SHISA6: variants seen among roughly 807,000 people sequenced by gnomAD.
SHISA6 encodes the protein shisa family member 6, also known as protein shisa-6.
In SHISA6, 22 loss-of-function variants were observed where a neutral mutation model predicts 47.9. The observed-to-expected ratio is 0.46, with a 90% CI of 0.33 to 0.66. SHISA6 has a LOEUF of 0.66. Among genes scored for constraint, SHISA6 ranks in the 30% least tolerant of loss-of-function variants. The pLI is 0.02. For missense variants in SHISA6, 680 were observed against 764.6 expected (o/e 0.89, Z 1.30); for synonymous variants, 388 against 337.8 (o/e 1.15, Z -1.63).
chr17:11,523,372 A>G (rs1392096859), intron 3 of SHISA6, among the ~76,000 whole-genome samples: 3 of 152,232 alleles, frequency 2.0e-5, no homozygotes, highest in Non-Finnish European at 4.4e-5. Flanking sequence ...AAAACACCAA[A>G]AAGTGTAGCT....
intron 3 of SHISA6, among the ~76,000 whole-genome samples, chr17:11,437,594 CA>C (rs1167778491): frequency 6.6e-6 from 1 of 152,126 alleles, no homozygotes; most frequent in Non-Finnish European, 1.5e-5. Context: ...AGGGATGGAA[CA>C]GTAAGTAGGG....
At chr17:11,329,007 G>A (rs988633939) in intron 2 of SHISA6, among the ~76,000 whole-genome samples, 1 of 152,196 alleles carries the variant, frequency 6.6e-6, no homozygotes, top group African/African-American at 2.4e-5. Context: ...TCAAAACAAT[G>A]CTTTAATAAA....
intron 3 of SHISA6, among the ~76,000 whole-genome samples, chr17:11,438,779 T>C (rs997635362): frequency 2.6e-5 from 4 of 152,158 alleles, no homozygotes; most frequent in African/African-American, 9.7e-5. Context: ...TTAAAGACAT[T>C]GTTAATTAAT....
Position 11,241,344 on chromosome 17 carries a change from G to T in SHISA6, c.-79G>T. ...TCAGCGCCTCCAGCCCGGCCCGCGC[G>T]GCGGGTCCTCCGAGCCCGGCCCGCC... On this transcript the variant is annotated 5_prime_UTR_variant, in exon 1 of 6. Coordinates refer to ENST00000441885, the MANE Select transcript of SHISA6 (RefSeq NM_207386.4). This position sits in a 1 kb window ranked among gnomAD's most constrained non-coding sequence, Gnocchi z 5.5. 1.1e-6 allele frequency: 1 copy of T among 904,406 alleles called. No homozygotes were observed. Among genetic ancestry groups the T allele is most frequent in the Non-Finnish European group, 1.3e-6 (1 of 754,334 alleles). 56.0% of individuals were successfully genotyped at this position (904,406 alleles called of 1,614,324 possible).
At chr17:11,258,050 A>G (rs1402274420) in intron 1 of SHISA6, among the ~76,000 whole-genome samples, 1 of 152,240 alleles carries the variant, frequency 6.6e-6, no homozygotes, top group Admixed American at 6.5e-5. Flanking sequence ...ATGCTTTTAG[A>G]AAGTTCTTCA....
intron 3 of SHISA6, among the ~76,000 whole-genome samples, chr17:11,422,399 A>G (rs933694938): frequency 4.6e-5 from 7 of 152,206 alleles, no homozygotes; most frequent in African/African-American, 2.4e-5. Context: ...AGCCAGTGGA[A>G]TACCAGGAAG....
intron 3 of SHISA6, among the ~76,000 whole-genome samples, chr17:11,388,368 G>A (rs1913261163): frequency 6.6e-6 from 1 of 152,124 alleles, no homozygotes; most frequent in Non-Finnish European, 1.5e-5. Flanking sequence ...CTCTATAGGT[G>A]AAGGGAGGAT....
intron 3 of SHISA6, among the ~76,000 whole-genome samples, chr17:11,534,170 T>C (rs2071765405): frequency 1.3e-5 from 2 of 149,710 alleles, no homozygotes; most frequent in Admixed American, 6.6e-5. Context: ...TTTTTTTTTT[T>C]TTTTTTTGTA....
intron 3 of SHISA6, among the ~76,000 whole-genome samples, chr17:11,389,506 C>T (rs1913317113): frequency 1.3e-5 from 2 of 152,206 alleles, no homozygotes; most frequent in African/African-American, 4.8e-5. Context: ...CATTCACCAG[C>T]TTGTCTTCTT....
chr17:11,398,503 C>G (rs1913651611), intron 3 of SHISA6, among the ~76,000 whole-genome samples: 1 of 152,122 alleles, frequency 6.6e-6, no homozygotes, highest in Admixed American at 6.5e-5. Context: ...TGCATGTAAT[C>G]AATACTCTGA....
chr17:11,524,199 AG>A (rs1226283187), intron 3 of SHISA6, among the ~76,000 whole-genome samples: 1 of 152,172 alleles, frequency 6.6e-6, no homozygotes, highest in Non-Finnish European at 1.5e-5. Flanking sequence ...CTACTGAGAA[AG>A]GGACTGCACC....
rs577548741 is a variant in SHISA6 at position 11,451,688 on chromosome 17, G to A, written c.895+72179G>A. ...CCACATCCCAGGGTGGGTATGCTCC[G>A]TGTTGGCTCAGGAGCTGAGCCAGGC... On this transcript the variant is annotated intron_variant, in intron 3 of 5. Coordinates refer to ENST00000441885, the MANE Select transcript of SHISA6 (RefSeq NM_207386.4). Among the ~76,000 whole-genome samples, 4 of 152,258 alleles carry A rather than the reference G, an allele frequency of 2.6e-5. No individual in the cohort carries two copies. The South Asian group carries it at 6.2e-4, about 24-fold the overall frequency.
At position 11,241,826 on chromosome 17, in the gene SHISA6, A is replaced by G; in HGVS notation, c.404A>G (p.Glu135Gly). ...CGCTTCTGCTGCAAGAAGCGCCACG[A>G]GAAGCTGGACCAGCGCCAGTGCACC... ...YYRFCCKKRH[E>G]KLDQRQCTNY... Residue 135 changes from glutamate (E) to glycine (G), a missense_variant, in exon 1 of 6, where the codon GAG becomes GGG. Glu to Gly is a moderately conservative substitution (Grantham distance 98). Transcript: ENST00000441885. This position sits in a 1 kb window ranked among gnomAD's most constrained non-coding sequence, Gnocchi z 5.5. 1 of 1,551,066 alleles carries G rather than the reference A, an allele frequency of 6.4e-7. No homozygotes were observed. The highest frequency in any genetic ancestry group is 8.7e-7 in the Non-Finnish European group (1 of 1,146,992).
intron 2 of SHISA6, among the ~76,000 whole-genome samples, chr17:11,267,548 T>C (rs750092070): frequency 2.0e-5 from 3 of 152,166 alleles, no homozygotes; most frequent in Non-Finnish European, 2.9e-5. Context: ...GGCATTGATA[T>C]TAAAAAAGAA....
chr17:11,287,543 T>G (rs1909353416), intron 2 of SHISA6, among the ~76,000 whole-genome samples: 1 of 149,252 alleles, frequency 6.7e-6, no homozygotes, highest in South Asian at 2.2e-4. Context: ...AGCGGTGGTA[T>G]GCACCTGAGG....
At chr17:11,536,019 T>C (rs1363757582) in intron 3 of SHISA6, among the ~76,000 whole-genome samples, 1 of 151,840 alleles carries the variant, frequency 6.6e-6, no homozygotes, top group South Asian at 2.1e-4. Context: ...GATAGATATA[T>C]ATAGAGAGAG....
At chr17:11,423,366 GATAT>G (rs1447976476) in intron 3 of SHISA6, among the ~76,000 whole-genome samples, 1 of 135,564 alleles carries the variant, frequency 7.4e-6, no homozygotes, top group African/African-American at 2.8e-5. Flanking sequence ...TAGATAGATA[GATAT>G]ATGCATGCCT....
At chr17:11,533,969 C>T (rs1567631995) in intron 3 of SHISA6, among the ~76,000 whole-genome samples, 1 of 102,970 alleles carries the variant, frequency 9.7e-6, no homozygotes, top group Non-Finnish European at 1.9e-5. Context: ...TTTATTCTAA[C>T]TTTTTTTTGT....
chr17:11,553,645 C>T (rs950664418), intron 4 of SHISA6, among the ~76,000 whole-genome samples: 3 of 152,076 alleles, frequency 2.0e-5, no homozygotes, highest in African/African-American at 7.2e-5. Flanking sequence ...CCTGAGTCTA[C>T]TTAATTAGTG....
Sources: gnomAD v4.1 joint callset for allele counts (sites outside exome capture counted in the v4.1 genomes callset) on GRCh38, gnomAD v4.1.1 for gene constraint, Gnocchi (gnomAD v3.1) non-coding constraint, MANE v1.5 for transcripts, NCBI Gene and HGNC (gene_info 2026-07-23, HGNC 2026-07-21) for gene names.